GPM6B: variants seen among roughly 807,000 people sequenced by gnomAD.
The protein encoded by GPM6B is neuronal membrane glycoprotein M6-b.
In GPM6B, 4 loss-of-function variants were observed where a neutral mutation model predicts 27.2. The ratio of observed to expected loss-of-function variants is 0.15; its 90% confidence interval spans 0.07 to 0.34. The LOEUF (loss-of-function observed/expected upper bound fraction) is 0.34. Among genes scored for constraint, GPM6B ranks in the 10% least tolerant of loss-of-function variants. GPM6B has a pLI of 1.00. For synonymous variants in GPM6B, 124 were observed against 103.1 expected, an observed-to-expected ratio of 1.20 and a Z score of -1.23; for missense variants, 183 against 261.9, an observed-to-expected ratio of 0.70 and a Z score of 2.08.
At chrX:13,904,120 C>T (rs766682309) in intron 1 of GPM6B, among the ~76,000 whole-genome samples, 1 of 111,370 alleles carries the variant, frequency 9.0e-6, no homozygotes, top group South Asian at 3.8e-4. Flanking sequence ...AATTGAAATA[C>T]ATCAAAATAA....
intron 1 of GPM6B, among the ~76,000 whole-genome samples, chrX:13,837,723 G>T (rs1334269236): frequency 1.2e-5 from 1 of 86,025 alleles, no homozygotes; most frequent in Non-Finnish European, 2.4e-5. Context: ...GGGGGGGGGG[G>T]GGGGGAAGCA....
chrX:13,844,986 C>CTTTTTTTTT (rs200629548), intron 1 of GPM6B, among the ~76,000 whole-genome samples: 1 of 98,228 alleles, frequency 1.0e-5, no homozygotes, highest in East Asian at 3.8e-4. Context: ...AACGTTTTTT[C>CTTTTTTTTT]TTTTTCTTTT....
At chrX:13,824,314 T>TATTC (rs2049346318) in intron 1 of GPM6B, among the ~76,000 whole-genome samples, 1 of 112,555 alleles carries the variant, frequency 8.9e-6, no homozygotes, top group African/African-American at 3.2e-5. Context: ...GCTATTGTGA[T>TATTC]ATTCTATCAG....
At chrX:13,776,142 G>T in intron 7 of GPM6B, 96 bp downstream of exon 7, 1 of 671,192 alleles carries the variant, frequency 1.5e-6, no homozygotes, top group Non-Finnish European at 2.4e-6. Context: ...CAGAATCATT[G>T]GCTTCAATAG....
upstream of GPM6B, chrX:13,817,327 C>A: frequency 1.3e-6 from 1 of 758,133 alleles, no homozygotes; most frequent in Non-Finnish European, 1.6e-6. Context: ...CTCTTTCTCC[C>A]CACCTCATTT....
chrX:13,781,453 T>C (rs1193425193), intron 4 of GPM6B, among the ~76,000 whole-genome samples: 1 of 111,961 alleles, frequency 8.9e-6, no homozygotes, highest in Non-Finnish European at 1.9e-5. Flanking sequence ...CACAAGGAAA[T>C]TCCTCGTGGA....
chrX:13,861,127 C>CAT (rs749551591), intron 1 of GPM6B, among the ~76,000 whole-genome samples: 1,010 of 95,279 alleles, frequency 0.011, 17 homozygotes, highest in African/African-American at 0.041. Context: ...TATACACATA[C>CAT]ATATATATAT....
chrX:13,780,969 C>T (rs1271697499), intron 4 of GPM6B: 2 of 316,961 alleles, frequency 6.3e-6, no homozygotes, highest in Non-Finnish European at 1.2e-5. Context: ...ACTGCAGAAA[C>T]GAGACACTTT....
Position 13,876,377 on chromosome X carries a change from C to T in GPM6B, c.-198+61950G>A, listed in dbSNP as rs1021003655. Among the ~76,000 whole-genome samples, 67 of 112,327 alleles carry T rather than the reference C, an allele frequency of 6.0e-4. 1 individual carries two copies. The highest frequency in any genetic ancestry group is 2.1e-3 in the African/African-American group (64 of 30,927). On this transcript the variant is annotated intron_variant, in intron 1 of 6. Coordinates refer to the GPM6B transcript ENST00000398361. ...TTATCAAGGAAGACACATAAGTGAA[C>T]GTACAACATGTCTGCATCATTATCT...
upstream of GPM6B, among the ~76,000 whole-genome samples, chrX:13,821,670 C>T (rs756788233): frequency 1.8e-5 from 2 of 111,629 alleles, no homozygotes; most frequent in Non-Finnish European, 3.8e-5. Flanking sequence ...GATCTCGGCT[C>T]ACTGCAACCT....
rs530052111 is a variant in GPM6B, at chrX:13,785,747, G to T, written c.243C>A (p.Thr81=). Reference sequence around the variant, plus strand: ...AGGCCACCCCGGAGAAGCAGAGGATGGTGGCCACCAGGGAGGCGTAGGGGA... The same window carrying T: ...AGGCCACCCCGGAGAAGCAGAGGATTGTGGCCACCAGGGAGGCGTAGGGGA... ...GGVPYASLVA[T]ILCFSGVALF... Residue 81 remains threonine, a synonymous_variant, in exon 3 of 8, where the codon ACC becomes ACA. Transcript: ENST00000316715. The T allele has an allele frequency of 4.1e-6, 5 of 1,211,142 alleles. No homozygotes were observed. In the South Asian group the frequency reaches 7.0e-5, roughly 17 times the overall value.
chrX:13,838,987 T>G lies in GPM6B; in HGVS notation c.-197-53179A>C, dbSNP rs760980113. Among the ~76,000 whole-genome samples the G allele has an allele frequency of 2.8e-3, 309 of 111,295 alleles. 1 individual carries two copies. The highest frequency in any genetic ancestry group is 9.3e-3 in the African/African-American group (286 of 30,661). On this transcript the variant is annotated intron_variant, in intron 1 of 6. Transcript: ENST00000398361. ...TGCCTCATGATACCCTCCTCCCAAT[T>G]TGGAAATAAGGCACAACTGACCAGC...
intron 1 of GPM6B, among the ~76,000 whole-genome samples, chrX:13,822,398 C>A (rs764149200): frequency 9.1e-6 from 1 of 109,506 alleles, no homozygotes. Flanking sequence ...CGGAGTCTCG[C>A]GCTGTTGCCC....
chrX:13,875,882 G>A lies in GPM6B; in HGVS notation c.-198+62445C>T, dbSNP rs188337169. Among the ~76,000 whole-genome samples the A allele has an allele frequency of 1.1e-3, 120 of 111,916 alleles. 4 individuals are homozygous for A. In the Admixed American group the frequency reaches 0.011, roughly 10 times the overall value. On this transcript the variant is annotated intron_variant, in intron 1 of 6. Coordinates refer to the GPM6B transcript ENST00000398361. ...CAGAGGTGGGGGAAGGAGATGGGGA[G>A]TGACTGCTTAATGGTATAGGGTTTT... is the stretch of plus-strand genomic sequence containing the variant.
chrX:13,880,452 G>A (rs972733268), intron 1 of GPM6B, among the ~76,000 whole-genome samples: 7 of 110,111 alleles, frequency 6.4e-5, no homozygotes, highest in Admixed American at 9.7e-5. Flanking sequence ...GAGGCGGGCG[G>A]GTCACCAGGT....
chrX:13,851,341 C>T (rs1038524190), intron 1 of GPM6B, among the ~76,000 whole-genome samples: 3 of 110,509 alleles, frequency 2.7e-5, no homozygotes, highest in Non-Finnish European at 3.8e-5. Context: ...AAACTCTAAG[C>T]CTTGGTTTCC....
upstream of GPM6B, chrX:13,938,485 C>G: frequency 1.1e-6 from 1 of 941,063 alleles, no homozygotes; most frequent in Non-Finnish European, 1.3e-6. Flanking sequence ...GGCCGTGGCG[C>G]GCAGCCAGCG....
chrX:13,814,363 A>T (rs957999763), intron 1 of GPM6B, among the ~76,000 whole-genome samples: 4 of 112,261 alleles, frequency 3.6e-5, no homozygotes, highest in South Asian at 3.7e-4. Flanking sequence ...CAGGAAAAAA[A>T]ATATATATGT....
At chrX:13,791,593 G>A (rs2048714105) in intron 2 of GPM6B, among the ~76,000 whole-genome samples, 1 of 111,064 alleles carries the variant, frequency 9.0e-6, no homozygotes, top group African/African-American at 3.3e-5. Context: ...GCCTAAGACA[G>A]TTTAAATATA....
Sources: allele counts gnomAD v4.1 joint callset (sites outside exome capture counted in the v4.1 genomes callset), GRCh38; gene constraint gnomAD v4.1.1; transcripts MANE v1.5; gene names NCBI Gene and HGNC (gene_info 2026-07-23, HGNC 2026-07-21).